The following NLRC4 variants were observed in gnomAD, a reference collection of about 807,000 sequenced individuals.
NLRC4 encodes NLR family CARD domain containing 4.
In NLRC4, 63 loss-of-function variants were observed where a neutral mutation model predicts 79.9. That is an observed-to-expected ratio of 0.79 (90% CI 0.64 to 0.97). The LOEUF is 0.97. NLRC4 is among the 50% of genes least tolerant of loss of function. NLRC4 has a pLI of 0.00. For missense variants in NLRC4, 1,074 were observed against 1,215.2 expected, an observed-to-expected ratio of 0.88 and a Z score of 1.73; for synonymous variants, 461 against 456.5, an observed-to-expected ratio of 1.01 and a Z score of -0.12.
rs932350951 is a variant in NLRC4, at chr2:32,260,671, G to T, written c.-118-3778C>A. On this transcript the variant is annotated intron_variant, in intron 1 of 8. Coordinates refer to ENST00000402280, the MANE Select transcript of NLRC4 (RefSeq NM_001199138.2). ...GCCCATAGAAAAAAGCCACCTGGGG[G>T]CCAGGCATATTCAACATGGCGGATC... is the stretch of plus-strand genomic sequence containing the variant. Among the ~76,000 whole-genome samples the T allele has an allele frequency of 2.6e-5, 4 of 152,298 alleles. No homozygotes were observed. The South Asian group carries it at 8.3e-4, about 32-fold the overall frequency.
intron 4 of NLRC4, among the ~76,000 whole-genome samples, chr2:32,243,478 C>A (rs927946544): frequency 1.3e-5 from 2 of 151,618 alleles, no homozygotes; most frequent in African/African-American, 4.8e-5. Flanking sequence ...AAATCTTCAA[C>A]AAAATAGAAA....
intron 8 of NLRC4, among the ~76,000 whole-genome samples, chr2:32,232,759 G>A (rs769668213): frequency 3.3e-5 from 5 of 152,210 alleles, no homozygotes; most frequent in Non-Finnish European, 5.9e-5. Flanking sequence ...TAGCGGGATC[G>A]ACGGACTGGA....
At chr2:32,225,819 G>A (rs1686376031) in intron 8 of NLRC4, among the ~76,000 whole-genome samples, 2 of 152,022 alleles carry the variant, frequency 1.3e-5, no homozygotes, top group South Asian at 2.1e-4. Flanking sequence ...CACATTACTC[G>A]GCTCATCCGA....
At chr2:32,247,236 T>A (rs1257447213) in intron 4 of NLRC4, among the ~76,000 whole-genome samples, 3 of 152,154 alleles carry the variant, frequency 2.0e-5, no homozygotes, top group African/African-American at 7.2e-5. Flanking sequence ...GGACTGGGTA[T>A]TGGGTAGAGA....
chr2:32,232,065 A>T (rs1269080251), intron 8 of NLRC4, among the ~76,000 whole-genome samples: 4 of 152,082 alleles, frequency 2.6e-5, no homozygotes, highest in African/African-American at 9.7e-5. Context: ...TGTTTTTCTC[A>T]TCATTAGATG....
intron 8 of NLRC4, among the ~76,000 whole-genome samples, chr2:32,231,547 C>CT (rs1686534229): frequency 9.1e-6 from 1 of 109,994 alleles, no homozygotes; most frequent in Non-Finnish European, 1.7e-5. Context: ...TGTATTTTCA[C>CT]TTTCTTTCTT....
intron 1 of NLRC4, among the ~76,000 whole-genome samples, chr2:32,260,597 G>T (rs781549358): frequency 6.6e-6 from 1 of 152,180 alleles, no homozygotes; most frequent in Non-Finnish European, 1.5e-5. Context: ...AAATCAAGCT[G>T]CAAGTATAGA....
At chr2:32,233,188 GGA>G (rs1558447045) in intron 8 of NLRC4, among the ~76,000 whole-genome samples, 9 of 90,964 alleles carry the variant, frequency 9.9e-5, no homozygotes, top group East Asian at 6.4e-4. Flanking sequence ...AAGGAAGGAA[GGA>G]AGGAAGGGAG....
chr2:32,253,307 A>G (rs954596300), intron 2 of NLRC4, among the ~76,000 whole-genome samples: 3 of 151,166 alleles, frequency 2.0e-5, no homozygotes, highest in Non-Finnish European at 4.4e-5. Context: ...GCACCACCAC[A>G]CTCAGCTAAT....
chr2:32,224,754 C>A lies in NLRC4; in HGVS notation c.2794G>T (p.Gly932Ter). ...TGGAAGTTTTTCAGAGGGTTCTTTC[C>A]AAAAAATGCACCTGGGTAAAGAAAT... ...TEIRILGAFFGKNPLKNFQQL... is the reference protein window; with the variant it reads ...TEIRILGAFF The change falls in exon 9 of 9, where the codon GGA becomes TGA. Residue 932 changes from glycine (G) to a stop codon, truncating the protein, a stop_gained. Transcript: ENST00000402280. LOFTEE classifies it high-confidence loss of function. 2 of 1,561,374 alleles carry A rather than the reference C, an allele frequency of 1.3e-6. No individual in the cohort carries two copies. Among genetic ancestry groups the A allele is most frequent in the Non-Finnish European group, 8.7e-7 (1 of 1,155,828 alleles).
chr2:32,257,596 G>A (rs1436350201), intron 1 of NLRC4, among the ~76,000 whole-genome samples: 1 of 141,440 alleles, frequency 7.1e-6, no homozygotes, highest in Admixed American at 7.3e-5. Context: ...GACAGAGCGA[G>A]ACTCTGCCTC....
chr2:32,238,155 GA>G lies in NLRC4; in HGVS notation c.2497del (p.Ser833LeufsTer5). ...ACCTAGGATTTTCACTGCATTTGCA[GA>G]CAAGCAGCAGGAGACTAATTGAATT... ...EEIQLVSCCL[S>X]ANAVKILAQN... On this transcript the variant is annotated frameshift_variant, in exon 6 of 9. Transcript: ENST00000402280. LOFTEE classifies it high-confidence loss of function. 2.5e-6 allele frequency: 4 copies of G among 1,613,546 alleles called. No individual in the cohort carries two copies. The highest frequency in any genetic ancestry group is 3.4e-6 in the Non-Finnish European group (4 of 1,179,854).
At chr2:32,247,797 A>T (rs1176883808) in intron 4 of NLRC4, among the ~76,000 whole-genome samples, 2 of 151,994 alleles carry the variant, frequency 1.3e-5, no homozygotes, top group East Asian at 3.9e-4. Flanking sequence ...TCAAGTCCTG[A>T]CACCTGGTAG....
chr2:32,241,652 A>C (rs1223796211), intron 4 of NLRC4, among the ~76,000 whole-genome samples: 1 of 152,196 alleles, frequency 6.6e-6, no homozygotes, highest in Admixed American at 6.5e-5. Context: ...TGCTGGGATT[A>C]CAGGCGTGAG....
In NLRC4 at chr2:32,250,409, G is replaced by A. The variant is rs1687045305; in HGVS notation, c.1455C>T (p.Ser485=). 6.2e-7 allele frequency: 1 copy of A among 1,614,184 alleles called. No individual in the cohort carries two copies. The highest frequency in any genetic ancestry group is 8.5e-7 in the Non-Finnish European group (1 of 1,180,036). ...TGTACCGGAGCAGGCTGCTATAAGT[G>A]GATGTAATGTCCGAAATGGAAACCA... is the stretch of plus-strand genomic sequence containing the variant. ...QKMVSISDIT[S]TYSSLLRYTC... Residue 485 remains serine (S), a synonymous_variant, in exon 4 of 9, where the codon TCC becomes TCT. Coordinates refer to ENST00000402280, the MANE Select transcript of NLRC4 (RefSeq NM_001199138.2). The surrounding 1 kb of genome is among the most constrained non-coding windows in gnomAD (Gnocchi z 4.9).
chr2:32,260,668 G>C (rs1687321942), intron 1 of NLRC4, among the ~76,000 whole-genome samples: 1 of 152,172 alleles, frequency 6.6e-6, no homozygotes, highest in Non-Finnish European at 1.5e-5. Flanking sequence ...AAGCCACCTG[G>C]GGGCCAGGCA....
At chr2:32,230,975 C>T (rs900203124) in intron 8 of NLRC4, among the ~76,000 whole-genome samples, 2 of 152,190 alleles carry the variant, frequency 1.3e-5, no homozygotes, top group African/African-American at 4.8e-5. Flanking sequence ...TAGTGGGTCT[C>T]AGGTGGTATC....
intron 1 of NLRC4, among the ~76,000 whole-genome samples, chr2:32,259,189 G>T (rs1039539805): frequency 1.4e-4 from 21 of 150,446 alleles, no homozygotes; most frequent in African/African-American, 4.9e-4. Context: ...TTAACCTTCT[G>T]GGCTCAGGTG....
intron 1 of NLRC4, among the ~76,000 whole-genome samples, chr2:32,258,137 A>C (rs1325701720): frequency 6.6e-6 from 1 of 152,068 alleles, no homozygotes; most frequent in Non-Finnish European, 1.5e-5. Context: ...TTTTCCCCGG[A>C]GTAAGACCGC....
Sources: allele counts gnomAD v4.1 joint callset (sites outside exome capture counted in the v4.1 genomes callset), GRCh38; gene constraint gnomAD v4.1.1; non-coding constraint Gnocchi (gnomAD v3.1); transcripts MANE v1.5; gene names NCBI Gene and HGNC (gene_info 2026-07-23, HGNC 2026-07-21).